The following VPS13B variants were observed in gnomAD, a reference collection of about 807,000 sequenced individuals.
VPS13B encodes the protein vacuolar protein sorting 13 homolog B.
In VPS13B, 285 loss-of-function variants were observed where a neutral mutation model predicts 426.4. The ratio of observed to expected loss-of-function variants is 0.67; its 90% CI spans 0.61 to 0.74. The LOEUF is 0.74. Ranked by LOEUF, VPS13B falls within the 30% of genes least tolerant of loss-of-function variation. The pLI, the probability that VPS13B is intolerant of heterozygous loss-of-function variation, is 0.00. For missense variants in VPS13B, 4,537 were observed against 4,782.6 expected (o/e 0.95, Z 1.51); for synonymous variants, 1,676 against 1,676.4 (o/e 1.00, Z 0.01).
intron 45 of VPS13B, among the ~76,000 whole-genome samples, 163 bp downstream of exon 45, chr8:99,817,966 C>T (rs1814142612): frequency 6.6e-6 from 1 of 152,256 alleles, no homozygotes; most frequent in Middle Eastern, 3.4e-3. Context: ...CCCCATCCCA[C>T]GACAATACAT....
intron 21 of VPS13B, among the ~76,000 whole-genome samples, chr8:99,417,497 ATGATATGCTATC>A (rs755585090): frequency 6.6e-6 from 1 of 152,172 alleles, no homozygotes; most frequent in Non-Finnish European, 1.5e-5. Flanking sequence ...TAAACATCTC[ATGATATGCTATC>A]TGGAAGTGCT....
intron 19 of VPS13B, among the ~76,000 whole-genome samples, chr8:99,326,172 A>G (rs1406226007): frequency 1.3e-5 from 2 of 152,140 alleles, no homozygotes; most frequent in South Asian, 2.1e-4. Context: ...TAGTGACTCA[A>G]ATAATTTTCT....
Position 99,185,832 on chromosome 8 carries a change from G to T in VPS13B, c.2334-7044G>T, listed in dbSNP as rs2132707866. Among the ~76,000 whole-genome samples, 3 of 152,092 alleles carry T rather than the reference G, an allele frequency of 2.0e-5. 1 individual carries two copies. In the Middle Eastern group the frequency reaches 0.01, roughly 521 times the overall value. On this transcript the variant is annotated intron_variant, in intron 16 of 61. Coordinates refer to ENST00000357162, the MANE Select transcript of VPS13B (RefSeq NM_152564.5). ...AGAAGGAATTTTTTTTTATAGAAAT[G>T]CCCATTTGGTCCTGAAATTTCATCA...
chr8:99,192,102 A>G (rs1260055033), intron 16 of VPS13B, among the ~76,000 whole-genome samples: 1 of 152,186 alleles, frequency 6.6e-6, no homozygotes, highest in Admixed American at 6.5e-5. Flanking sequence ...AACCTTCAGT[A>G]TAAACTTGTT....
At chr8:99,662,648 A>G (rs996252795) in intron 35 of VPS13B, among the ~76,000 whole-genome samples, 3 of 152,068 alleles carry the variant, frequency 2.0e-5, no homozygotes, top group African/African-American at 7.2e-5. Context: ...AGGTCTCGCT[A>G]TGTTGCCCAG....
intron 23 of VPS13B, among the ~76,000 whole-genome samples, chr8:99,446,169 G>A (rs1817910848): frequency 6.6e-6 from 1 of 152,110 alleles, no homozygotes; most frequent in Non-Finnish European, 1.5e-5. Flanking sequence ...TCTGCCTAAA[G>A]TACATCCTTT....
intron 3 of VPS13B, among the ~76,000 whole-genome samples, chr8:99,049,962 C>T (rs946123552): frequency 6.6e-6 from 1 of 151,026 alleles, no homozygotes; most frequent in Non-Finnish European, 1.5e-5. Flanking sequence ...GATTCTGTTG[C>T]TGAGACTTTC....
intron 3 of VPS13B, among the ~76,000 whole-genome samples, chr8:99,053,125 TTTAA>T (rs1358743741): frequency 6.6e-6 from 1 of 151,500 alleles, no homozygotes; most frequent in Non-Finnish European, 1.5e-5. Context: ...TTTTTAATTA[TTTAA>T]TTATTTATTT....
chr8:99,194,337 CTTTTTGAA>C (rs1397265666), intron 17 of VPS13B, among the ~76,000 whole-genome samples: 2 of 152,140 alleles, frequency 1.3e-5, no homozygotes, highest in Admixed American at 6.5e-5. Context: ...TTTGTATCCT[CTTTTTGAA>C]TTGAACTTAC....
intron 5 of VPS13B, among the ~76,000 whole-genome samples, chr8:99,106,854 T>C (rs1326749599): frequency 6.6e-6 from 1 of 152,210 alleles, no homozygotes; most frequent in Non-Finnish European, 1.5e-5. Context: ...TGGTCTTTCC[T>C]GGATATATGT....
intron 51 of VPS13B, among the ~76,000 whole-genome samples, chr8:99,829,127 CT>C (rs1814896650): frequency 6.6e-6 from 1 of 152,072 alleles, no homozygotes. Flanking sequence ...TCTGTATTTC[CT>C]GAATTTGAAT....
chr8:99,312,133 G>A (rs1230544425), intron 19 of VPS13B, among the ~76,000 whole-genome samples: 4 of 152,126 alleles, frequency 2.6e-5, no homozygotes, highest in South Asian at 2.1e-4. Flanking sequence ...ATTTGCCAGT[G>A]TGTGTCTTTT....
At chr8:99,134,938 A>C in intron 9 of VPS13B, 77 bp from the exon 10 acceptor site, 2 of 1,550,860 alleles carry the variant, frequency 1.3e-6, no homozygotes, top group Non-Finnish European at 1.8e-6. Context: ...TAACTAATTT[A>C]GAGATTCTAC....
At chr8:99,117,195 C>G (rs944319029) in intron 7 of VPS13B, among the ~76,000 whole-genome samples, 1 of 151,960 alleles carries the variant, frequency 6.6e-6, no homozygotes, top group East Asian at 1.9e-4. Flanking sequence ...AGACATTTCT[C>G]CAAAGAAGGT....
At chr8:99,597,198 G>A (rs929059946) in intron 33 of VPS13B, among the ~76,000 whole-genome samples, 9 of 151,882 alleles carry the variant, frequency 5.9e-5, no homozygotes, top group Admixed American at 3.9e-4. Flanking sequence ...TTATAGGGTC[G>A]CCCTGTGACA....
intron 40 of VPS13B, among the ~76,000 whole-genome samples, chr8:99,774,220 A>C (rs1304215867): frequency 6.6e-6 from 1 of 152,214 alleles, no homozygotes; most frequent in Admixed American, 6.5e-5. Flanking sequence ...TTTTTAAATA[A>C]AAGTTTTAAT....
intron 33 of VPS13B, among the ~76,000 whole-genome samples, chr8:99,636,562 T>G (rs1429785861): frequency 6.6e-6 from 1 of 152,020 alleles, no homozygotes; most frequent in Admixed American, 6.6e-5. Flanking sequence ...TACATTCATA[T>G]GTTAAGAGTA....
intron 17 of VPS13B, among the ~76,000 whole-genome samples, chr8:99,215,713 C>T (rs545528270): frequency 9.9e-5 from 15 of 152,258 alleles, no homozygotes; most frequent in African/African-American, 3.1e-4. Context: ...CCAAGGTTTT[C>T]GTTGGGGGCT....
intron 39 of VPS13B, among the ~76,000 whole-genome samples, chr8:99,728,979 C>A (rs900444245): frequency 1.3e-5 from 2 of 151,484 alleles, no homozygotes; most frequent in African/African-American, 2.4e-5. Flanking sequence ...TTTTTTTTCT[C>A]CCTTTCTTCT....
Sources: gnomAD v4.1 joint callset for allele counts (sites outside exome capture counted in the v4.1 genomes callset) on GRCh38, gnomAD v4.1.1 for gene constraint, MANE v1.5 for transcripts, NCBI Gene and HGNC (gene_info 2026-07-23, HGNC 2026-07-21) for gene names.